MND1: variants seen among roughly 807,000 people sequenced by gnomAD.
The protein encoded by MND1 is meiotic nuclear divisions 1.
MND1 carries 28 observed loss-of-function variants against 35.1 expected under a neutral mutation model. That is an observed-to-expected ratio of 0.80 (90% CI 0.59 to 1.09). MND1 has a LOEUF of 1.09. Ranked by LOEUF, MND1 falls within the 50% of genes least tolerant of loss-of-function variation. The pLI, the probability that MND1 is intolerant of heterozygous loss-of-function variation, is 0.00. For missense variants in MND1, 213 were observed against 239.6 expected, an observed-to-expected ratio of 0.89 and a Z score of 0.73; for synonymous variants, 69 against 70.5, an observed-to-expected ratio of 0.98 and a Z score of 0.11.
chr4:153,371,691 A>G (rs1773791678), intron 4 of MND1, among the ~76,000 whole-genome samples: 1 of 152,070 alleles, frequency 6.6e-6, no homozygotes, highest in East Asian at 1.9e-4. Context: ...CCAGACCACT[A>G]AAACTTTCTC....
At chr4:153,387,035 A>G (rs572290701) in intron 4 of MND1, among the ~76,000 whole-genome samples, 6 of 152,154 alleles carry the variant, frequency 3.9e-5, no homozygotes, top group Non-Finnish European at 7.3e-5. Context: ...GAATATATTC[A>G]TATAACAGGA....
At chr4:153,370,230 T>C (rs1372698722) in intron 4 of MND1, among the ~76,000 whole-genome samples, 1 of 151,870 alleles carries the variant, frequency 6.6e-6, no homozygotes, top group Non-Finnish European at 1.5e-5. Context: ...TGCAGTGAGC[T>C]GAGATCACAC....
chr4:153,380,057 G>T (rs1423258599), intron 4 of MND1, among the ~76,000 whole-genome samples: 1 of 93,012 alleles, frequency 1.1e-5, no homozygotes, highest in East Asian at 3.1e-4. Flanking sequence ...TAGATGAAAA[G>T]AATAAAGAAA....
chr4:153,369,497 A>G (rs1773739254), intron 4 of MND1, among the ~76,000 whole-genome samples: 1 of 152,260 alleles, frequency 6.6e-6, no homozygotes, highest in Admixed American at 6.5e-5. Context: ...AGTGCACCTA[A>G]AAGTTATATT....
intron 4 of MND1, among the ~76,000 whole-genome samples, chr4:153,367,369 C>T (rs1424653845): frequency 2.0e-5 from 3 of 152,150 alleles, no homozygotes; most frequent in Non-Finnish European, 2.9e-5. Flanking sequence ...CTGTAGATTT[C>T]CCTGTTCTGG....
At chr4:153,395,199 ACT>A (rs979853495) in intron 5 of MND1, among the ~76,000 whole-genome samples, 2 of 152,228 alleles carry the variant, frequency 1.3e-5, no homozygotes, top group Non-Finnish European at 1.5e-5. Flanking sequence ...GGAAAAGTAA[ACT>A]CTGGGCATAA....
intron 2 of MND1, among the ~76,000 whole-genome samples, chr4:153,353,724 G>A (rs2149630395): frequency 6.6e-6 from 1 of 151,540 alleles, no homozygotes; most frequent in African/African-American, 2.4e-5. Context: ...AATATTTCTA[G>A]GTTTTTTTGT....
intron 4 of MND1, among the ~76,000 whole-genome samples, chr4:153,366,393 T>C (rs1263006226): frequency 6.6e-6 from 1 of 152,156 alleles, no homozygotes; most frequent in Non-Finnish European, 1.5e-5. Context: ...TTTTAAAAAT[T>C]CAACTAAGAT....
chr4:153,408,732 A>C (rs1729589596), intron 6 of MND1, among the ~76,000 whole-genome samples: 1 of 152,022 alleles, frequency 6.6e-6, no homozygotes, highest in Non-Finnish European at 1.5e-5. Flanking sequence ...TTGACTTTCC[A>C]TTAATTACTA....
chr4:153,366,235 T>C (rs1299569388), intron 4 of MND1, among the ~76,000 whole-genome samples: 1 of 152,238 alleles, frequency 6.6e-6, no homozygotes. Context: ...GTCATAGTAA[T>C]CCTTGAGATC....
chr4:153,348,468 G>A (rs1773127655), intron 1 of MND1, among the ~76,000 whole-genome samples: 2 of 152,102 alleles, frequency 1.3e-5, no homozygotes, highest in Non-Finnish European at 2.9e-5. Context: ...AACCATGAAA[G>A]CAAATGAGAT....
chr4:153,399,836 T>C (rs556168912), intron 6 of MND1, among the ~76,000 whole-genome samples: 2 of 151,246 alleles, frequency 1.3e-5, no homozygotes, highest in East Asian at 3.9e-4. Flanking sequence ...AGTATTACAG[T>C]ATATGAGGTC....
intron 4 of MND1, among the ~76,000 whole-genome samples, chr4:153,376,056 A>G (rs1201892334): frequency 6.6e-6 from 1 of 152,172 alleles, no homozygotes; most frequent in Non-Finnish European, 1.5e-5. Flanking sequence ...TAGTATTTGG[A>G]TGATAGTGAA....
intron 6 of MND1, among the ~76,000 whole-genome samples, chr4:153,398,562 A>G (rs1256006134): frequency 1.3e-5 from 2 of 152,194 alleles, no homozygotes; most frequent in Non-Finnish European, 2.9e-5. Context: ...TATGGAGTAC[A>G]TAGCCTAGGT....
chr4:153,404,039 T>TCA (rs71598276), intron 6 of MND1, among the ~76,000 whole-genome samples: 12,837 of 152,114 alleles, frequency 0.084, 687 homozygotes, highest in Non-Finnish European at 0.12. Context: ...AAACTATGGC[T>TCA]CACACACTGG....
intron 2 of MND1, among the ~76,000 whole-genome samples, chr4:153,355,347 T>A (rs1318252453): frequency 6.6e-6 from 1 of 152,162 alleles, no homozygotes; most frequent in East Asian, 1.9e-4. Flanking sequence ...AAAATTATGA[T>A]GTATATATAA....
intron 4 of MND1, among the ~76,000 whole-genome samples, chr4:153,392,195 G>A (rs1046901185): frequency 1.3e-5 from 2 of 150,300 alleles, no homozygotes; most frequent in African/African-American, 4.9e-5. Context: ...TCCACCTCCC[G>A]GGTTCATGCC....
chr4:153,390,230 T>C (rs1238204931), intron 4 of MND1, among the ~76,000 whole-genome samples: 1 of 152,210 alleles, frequency 6.6e-6, no homozygotes, highest in African/African-American at 2.4e-5. Flanking sequence ...GTTGCTTTCA[T>C]TGTTTGTTTC....
At chr4:153,379,714 G>T (rs937490004) in intron 4 of MND1, among the ~76,000 whole-genome samples, 1 of 151,844 alleles carries the variant, frequency 6.6e-6, no homozygotes, top group African/African-American at 2.4e-5. Flanking sequence ...GCTGGGCATG[G>T]TGATGTGTGC....
Sources: gnomAD v4.1 joint callset for allele counts (sites outside exome capture counted in the v4.1 genomes callset) on GRCh38, gnomAD v4.1.1 for gene constraint, MANE v1.5 for transcripts, NCBI Gene and HGNC (gene_info 2026-07-23, HGNC 2026-07-21) for gene names.